ST3GAL1: variants seen among roughly 807,000 people sequenced by gnomAD.
ST3GAL1 encodes the protein CMP-N-acetylneuraminate-beta-galactosamide-alpha-2,3-sialyltransferase 1.
In ST3GAL1, 16 loss-of-function variants were observed where a neutral mutation model predicts 34.1. The ratio of observed to expected loss-of-function variants is 0.47; its 90% CI spans 0.32 to 0.71. The LOEUF (loss-of-function observed/expected upper bound fraction) is 0.71. Among genes scored for constraint, ST3GAL1 ranks in the 30% least tolerant of loss-of-function variants. The probability of loss-of-function intolerance (pLI) is 0.04; values close to 1 mark genes in which losing one functional copy is unlikely to be tolerated. For missense variants in ST3GAL1, 353 were observed against 447.4 expected, an observed-to-expected ratio of 0.79 and a Z score of 1.90; for synonymous variants, 191 against 184.7, an observed-to-expected ratio of 1.03 and a Z score of -0.28.
intron 1 of ST3GAL1, among the ~76,000 whole-genome samples, chr8:133,554,924 T>C (rs2131093379): frequency 2.0e-5 from 3 of 152,144 alleles, no homozygotes; most frequent in Middle Eastern, 6.8e-3. Context: ...AGGTGGGGTT[T>C]CACCATGTTG....
At chr8:133,476,679 C>T (rs1178534239) in intron 3 of ST3GAL1, 79 bp from the exon 4 acceptor site, 3 of 152,300 alleles carry the variant, frequency 2.0e-5, no homozygotes, top group Admixed American at 1.3e-4. Flanking sequence ...ACATCTCCAC[C>T]AGGACGTATT....
At position 133,503,660 on chromosome 8, in the gene ST3GAL1, C is replaced by T. The variant is rs140093290; in HGVS notation, c.-428-4471G>A. Among the ~76,000 whole-genome samples, 107 of 152,242 alleles carry T rather than the reference C, an allele frequency of 7.0e-4. No homozygotes were observed. The East Asian group carries it at 0.014, about 20-fold the overall frequency. ...GCCTGGCTTTTACAAATGGCAAGTA[C>T]GTCGCAGCTCCACCCTAGGCCTTAT... is the stretch of plus-strand genomic sequence containing the variant. On this transcript the variant is annotated intron_variant, in intron 2 of 9. Transcript: ENST00000522652.
chr8:133,551,546 GAAA>G lies in ST3GAL1; in HGVS notation c.-581-5623_-581-5621del, dbSNP rs1818847229. On this transcript the variant is annotated intron_variant, in intron 1 of 9. Transcript: ENST00000522652. ...AGAAAGAGAAAGAAAGAGAAGGAAA[GAAA>G]GAAAGAAAGAAAGAAAGAAAGAAAG... Among the ~76,000 whole-genome samples, 5 of 9,104 alleles carry G rather than the reference GAAA, an allele frequency of 5.5e-4. No homozygotes were observed. The East Asian group carries it at 0.01, about 19-fold the overall frequency. 6.0% of individuals were successfully genotyped at this position (9,104 alleles called of 152,430 possible).
chr8:133,511,895 T>C (rs1817508035), intron 2 of ST3GAL1, among the ~76,000 whole-genome samples: 1 of 152,016 alleles, frequency 6.6e-6, no homozygotes, highest in South Asian at 2.1e-4. Flanking sequence ...CTACTAAAAA[T>C]ACAAAAAATT....
intron 2 of ST3GAL1, among the ~76,000 whole-genome samples, chr8:133,507,445 C>T (rs1436228219): frequency 6.6e-6 from 1 of 152,206 alleles, no homozygotes; most frequent in Non-Finnish European, 1.5e-5. Context: ...CGAGTCCTGG[C>T]ACTGCCATTC....
At chr8:133,522,714 C>T (rs1817849218) in intron 2 of ST3GAL1, among the ~76,000 whole-genome samples, 1 of 152,308 alleles carries the variant, frequency 6.6e-6, no homozygotes, top group South Asian at 2.1e-4. Context: ...TGAAGACAAA[C>T]ATAACACTGG....
At chr8:133,560,886 T>G (rs533773366) in intron 1 of ST3GAL1, among the ~76,000 whole-genome samples, 2 of 152,088 alleles carry the variant, frequency 1.3e-5, no homozygotes, top group Admixed American at 1.3e-4. Context: ...AAGAAAAAAG[T>G]GGAAACATAC....
intron 2 of ST3GAL1, among the ~76,000 whole-genome samples, chr8:133,504,117 G>A (rs1266902470): frequency 6.6e-6 from 1 of 152,116 alleles, no homozygotes; most frequent in East Asian, 1.9e-4. Flanking sequence ...AGGTGGGGAG[G>A]GAGGGCATCT....
rs1418817270 is a variant in ST3GAL1 at position 133,465,893 on chromosome 8, C to A, written c.503+1G>T. On this transcript the variant is annotated splice_donor_variant, in intron 6 of 9. Transcript: ENST00000522652. LOFTEE classifies it high-confidence loss of function. The stretch of plus-strand genomic sequence containing the variant: ...GGCTTGGGAGAGGGTCTGGCACTCA[C>A]CTGAGGACAAAGTCGTGACTGTCTA... 6.2e-7 allele frequency: 1 copy of A among 1,613,086 alleles called. No individual in the cohort carries two copies. The highest frequency in any genetic ancestry group is 1.7e-5 in the Admixed American group (1 of 59,954).
chr8:133,471,297 A>AACTGAGCCCCTATC (rs932250158), intron 5 of ST3GAL1, among the ~76,000 whole-genome samples: 1 of 152,214 alleles, frequency 6.6e-6, no homozygotes, highest in African/African-American at 2.4e-5. Flanking sequence ...AACTCATCAC[A>AACTGAGCCCCTATC]ACTGAGCCCC....
At chr8:133,462,528 A>G (rs1186897391) in intron 8 of ST3GAL1, among the ~76,000 whole-genome samples, 1 of 152,194 alleles carries the variant, frequency 6.6e-6, no homozygotes, top group African/African-American at 2.4e-5. Flanking sequence ...GCAGTGGCTG[A>G]GCTGGGAGGA....
rs552193647 is a variant in ST3GAL1, at chr8:133,546,475, C to T, written c.-581-549G>A. On this transcript the variant is annotated intron_variant, in intron 1 of 9. Transcript: ENST00000522652. The stretch of plus-strand genomic sequence containing the variant: ...TCCAGCCAGGGACAGAGAGAGACTC[C>T]GTCAAAAAAAAAAAAAAAAAAAGGA... 7.4e-3 allele frequency among the ~76,000 whole-genome samples: 690 copies of T among 93,172 alleles called. 5 individuals are homozygous for T. Among genetic ancestry groups the T allele is most frequent in the African/African-American group, 0.037 (588 of 15,786 alleles). The allele number at this position is 93,172 out of a possible 152,430, so 61.1% of individuals were successfully genotyped here.
intron 2 of ST3GAL1, among the ~76,000 whole-genome samples, chr8:133,544,883 C>T (rs1818634663): frequency 6.6e-6 from 1 of 150,750 alleles, no homozygotes; most frequent in Non-Finnish European, 1.5e-5. Flanking sequence ...AACAGCTATA[C>T]ACACTCACAG....
Position 133,468,313 on chromosome 8 carries a change from C to T in ST3GAL1, c.307-2223G>A, listed in dbSNP as rs114586420. On this transcript the variant is annotated intron_variant, in intron 5 of 9. Coordinates refer to ENST00000522652, the MANE Select transcript of ST3GAL1 (RefSeq NM_173344.3). ...AAGAAAATTTTGAAATAGGTTACAA[C>T]ATGGATGGACCTTGAAAATACTAAT... Among the ~76,000 whole-genome samples, 1,438 of 152,242 alleles carry T rather than the reference C, an allele frequency of 9.4e-3. 21 individuals are homozygous for T. Among genetic ancestry groups the T allele is most frequent in the African/African-American group, 0.033 (1,380 of 41,512 alleles).
At chr8:133,551,048 A>G (rs1818821615) in intron 1 of ST3GAL1, among the ~76,000 whole-genome samples, 1 of 152,284 alleles carries the variant, frequency 6.6e-6, no homozygotes, top group African/African-American at 2.4e-5. Flanking sequence ...GTCTGGCTGA[A>G]TACTATTGCT....
intron 2 of ST3GAL1, among the ~76,000 whole-genome samples, chr8:133,528,191 A>T (rs979693374): frequency 2.0e-5 from 3 of 151,962 alleles, no homozygotes; most frequent in Non-Finnish European, 4.4e-5. Flanking sequence ...AGAAAAAAAA[A>T]ATTACCCAGA....
chr8:133,477,546 CA>C (rs1816225658), intron 3 of ST3GAL1, among the ~76,000 whole-genome samples: 1 of 147,800 alleles, frequency 6.8e-6, no homozygotes, highest in Non-Finnish European at 1.5e-5. Context: ...GGACCAGGAA[CA>C]GGGGGTTGGG....
intron 5 of ST3GAL1, among the ~76,000 whole-genome samples, chr8:133,471,425 G>A (rs996771953): frequency 2.0e-5 from 3 of 152,184 alleles, no homozygotes; most frequent in Admixed American, 6.5e-5. Flanking sequence ...GAGCAGAAGC[G>A]CATGTTCTAT....
intron 1 of ST3GAL1, among the ~76,000 whole-genome samples, chr8:133,553,920 G>A (rs760508132): frequency 3.3e-5 from 5 of 152,168 alleles, no homozygotes; most frequent in African/African-American, 1.2e-4. Flanking sequence ...AGGATCCAGT[G>A]AGCAGGGTGC....
Sources: gnomAD v4.1 joint callset for allele counts (sites outside exome capture counted in the v4.1 genomes callset) on GRCh38, gnomAD v4.1.1 for gene constraint, MANE v1.5 for transcripts, NCBI Gene and HGNC (gene_info 2026-07-23, HGNC 2026-07-21) for gene names.